ST3GAL4: variants seen among roughly 807,000 people sequenced by gnomAD.
ST3GAL4 encodes CMP-N-acetylneuraminate-beta-galactosamide-alpha-2,3-sialyltransferase 4.
ST3GAL4 carries 24 observed loss-of-function variants against 42.6 expected under a neutral mutation model. The observed-to-expected ratio is 0.56, with a 90% confidence interval of 0.41 to 0.79. The LOEUF (loss-of-function observed/expected upper bound fraction) is 0.79, where lower values mean the gene tolerates loss of function less well. Ranked by LOEUF, ST3GAL4 falls within the 30% of genes least tolerant of loss-of-function variation. The probability of loss-of-function intolerance (pLI) is 0.00; values close to 1 mark genes in which losing one functional copy is unlikely to be tolerated. For missense variants in ST3GAL4, 311 were observed against 430.8 expected (o/e 0.72, Z 2.46); for synonymous variants, 135 against 163.2 (o/e 0.83, Z 1.32).
At chr11:126,370,746 G>A (rs533821629) in intron 1 of ST3GAL4, among the ~76,000 whole-genome samples, 3 of 151,186 alleles carry the variant, frequency 2.0e-5, no homozygotes, top group Non-Finnish European at 2.9e-5. Context: ...GCACGATCTC[G>A]GCTCACTGCA....
rs1954434893 is a variant in ST3GAL4, at chr11:126,409,702, G to T, written c.771+291G>T. Among the ~76,000 whole-genome samples the T allele has an allele frequency of 6.6e-6, 1 of 152,150 alleles. No individual in the cohort carries two copies. The highest frequency in any genetic ancestry group is 1.5e-5 in the Non-Finnish European group (1 of 68,018). ...CGCTGGTCAGAATTTGTCAACTGGG[G>T]AGCTGCTGGAACAGTCAGTGGTCTG... On this transcript the variant is annotated intron_variant, in intron 9 of 10. Transcript: ENST00000444328. The surrounding 1 kb of genome is among the most constrained non-coding windows in gnomAD (Gnocchi z 4.9).
intron 1 of ST3GAL4, among the ~76,000 whole-genome samples, chr11:126,356,995 G>A (rs1264533556): frequency 2.0e-5 from 3 of 152,224 alleles, no homozygotes; most frequent in Non-Finnish European, 4.4e-5. Context: ...TTTGAAAGGC[G>A]CCTGCACGGA....
chr11:126,385,570 G>A (rs1043783865), intron 1 of ST3GAL4, among the ~76,000 whole-genome samples: 7 of 152,132 alleles, frequency 4.6e-5, no homozygotes, highest in African/African-American at 1.2e-4. Context: ...TTTTCGACCT[G>A]TCTGATTTTG....
chr11:126,370,656 A>T (rs960999917), intron 1 of ST3GAL4, among the ~76,000 whole-genome samples: 2 of 150,690 alleles, frequency 1.3e-5, no homozygotes, highest in Non-Finnish European at 2.9e-5. Context: ...TTCTGAATTT[A>T]TATTTCTTCA....
At chr11:126,395,993 G>A (rs552542542) in intron 1 of ST3GAL4, among the ~76,000 whole-genome samples, 6 of 151,184 alleles carry the variant, frequency 4.0e-5, no homozygotes, top group South Asian at 2.1e-4. Context: ...AGAGTCCATG[G>A]GGTTTTGGGG....
In ST3GAL4 at chr11:126,390,684, C is replaced by T. The variant is rs114387425; in HGVS notation, c.-60-15412C>T. Among the ~76,000 whole-genome samples, 709 of 147,178 alleles carry T rather than the reference C, an allele frequency of 4.8e-3. 6 individuals are homozygous for T. The highest frequency in any genetic ancestry group is 0.017 in the African/African-American group (676 of 39,322). ...GTTGTTATGGTAAAATGCACAAGCA[C>T]GAGGTTGTATTTACCATCTTAACTC... On this transcript the variant is annotated intron_variant, in intron 1 of 10. Transcript: ENST00000444328.
chr11:126,407,568 T>C lies in ST3GAL4; in HGVS notation c.281-6T>C. ...CATCAGTCCCTCCGCCTGGTACTTT[T>C]TGTAGAGGATCTGCTCCTCCGGGTG... is the stretch of plus-strand genomic sequence containing the variant. On this transcript the variant is annotated splice_region_variant and splice_polypyrimidine_tract_variant and intron_variant, in intron 5 of 10. Coordinates refer to ENST00000444328, the MANE Select transcript of ST3GAL4 (RefSeq NM_001254757.2). 1 of 1,614,108 alleles carries C rather than the reference T, an allele frequency of 6.2e-7. No individual in the cohort carries two copies. The highest frequency in any genetic ancestry group is 8.5e-7 in the Non-Finnish European group (1 of 1,180,004).
At chr11:126,389,549 T>TA (rs776533191) in intron 1 of ST3GAL4, among the ~76,000 whole-genome samples, 1 of 152,148 alleles carries the variant, frequency 6.6e-6, no homozygotes, top group Non-Finnish European at 1.5e-5. Context: ...GCAACACCTT[T>TA]AAACATAAGT....
At chr11:126,401,224 T>C (rs1953975848) in intron 1 of ST3GAL4, among the ~76,000 whole-genome samples, 2 of 151,412 alleles carry the variant, frequency 1.3e-5, no homozygotes, top group Admixed American at 1.3e-4. Flanking sequence ...CCCCTGAAAA[T>C]GTGTGGCAGG....
chr11:126,362,705 C>T (rs1591412657), intron 1 of ST3GAL4, among the ~76,000 whole-genome samples: 1 of 152,272 alleles, frequency 6.6e-6, no homozygotes, highest in South Asian at 2.1e-4. Context: ...GTCCACTTAC[C>T]AGTTATGTGA....
chr11:126,360,507 T>G (rs1019881711), intron 1 of ST3GAL4, among the ~76,000 whole-genome samples: 2 of 152,200 alleles, frequency 1.3e-5, no homozygotes, highest in Non-Finnish European at 2.9e-5. Flanking sequence ...AACTGCAACC[T>G]CCATCTTCTG....
At chr11:126,380,968 G>A (rs559259562) in intron 1 of ST3GAL4, among the ~76,000 whole-genome samples, 7 of 152,334 alleles carry the variant, frequency 4.6e-5, no homozygotes, top group South Asian at 4.1e-4. Flanking sequence ...CTGTACATGC[G>A]TGCCTGGAAG....
At position 126,366,401 on chromosome 11, in the gene ST3GAL4, C is replaced by G. The variant is rs1440956684; in HGVS notation, c.-61+10559C>G. 6.6e-6 allele frequency among the ~76,000 whole-genome samples: 1 copy of G among 151,952 alleles called. No individual in the cohort carries two copies. Among genetic ancestry groups the G allele is most frequent in the Admixed American group, 6.6e-5 (1 of 15,256 alleles). On this transcript the variant is annotated intron_variant, in intron 1 of 10. Transcript: ENST00000444328. The surrounding 1 kb of genome is among the most constrained non-coding windows in gnomAD (Gnocchi z 4.2). ...GGACTGAGAGCTGGGTGTGTGTGTGCGCATGCCTGTGTCTGTGTGATCTGG... is the reference window on the plus strand; with the variant it reads ...GGACTGAGAGCTGGGTGTGTGTGTGGGCATGCCTGTGTCTGTGTGATCTGG...
At position 126,397,412 on chromosome 11, in the gene ST3GAL4, A is replaced by C. The variant is rs1565416416; in HGVS notation, c.-60-8684A>C. 6.6e-6 allele frequency among the ~76,000 whole-genome samples: 1 copy of C among 152,092 alleles called. No homozygotes were observed. Among genetic ancestry groups the C allele is most frequent in the Non-Finnish European group, 1.5e-5 (1 of 68,036 alleles). On this transcript the variant is annotated intron_variant, in intron 1 of 10. Transcript: ENST00000444328. The surrounding 1 kb of genome is among the most constrained non-coding windows in gnomAD (Gnocchi z 5.0). The stretch of plus-strand genomic sequence containing the variant: ...TCTCAGAGGTCATGGGATAGTGGGC[A>C]AGACATGAAAACCTTGTATAATATA...
Position 126,384,361 on chromosome 11 carries a change from G to A in ST3GAL4, c.-60-21735G>A, listed in dbSNP as rs1017535964. On this transcript the variant is annotated intron_variant, in intron 1 of 10. Transcript: ENST00000444328. This position sits in a 1 kb window ranked among gnomAD's most constrained non-coding sequence, Gnocchi z 5.5. ...AATTCAGAGGCTGTACTGTGGGGCA[G>A]GGCTGGAATTTGTGGCACCTGTGTA... Among the ~76,000 whole-genome samples, 4 of 152,182 alleles carry A rather than the reference G, an allele frequency of 2.6e-5. No individual in the cohort carries two copies. The highest frequency in any genetic ancestry group is 9.7e-5 in the African/African-American group (4 of 41,436).
chr11:126,410,575 G>T lies in ST3GAL4; in HGVS notation c.771+1164G>T, dbSNP rs376536125. Among the ~76,000 whole-genome samples the T allele has an allele frequency of 6.6e-6, 1 of 152,276 alleles. No individual in the cohort carries two copies. The highest frequency in any genetic ancestry group is 2.1e-4 in the South Asian group (1 of 4,820). ...ATGTAAAATACCTATTCTGGAGACC[G>T]GTACACAGGGCCTGCCCTTTAAATA... On this transcript the variant is annotated intron_variant, in intron 9 of 10. Transcript: ENST00000444328. The surrounding 1 kb of genome is among the most constrained non-coding windows in gnomAD (Gnocchi z 5.3).
In ST3GAL4 at chr11:126,366,795, GA is replaced by G. The variant is rs1446176659; in HGVS notation, c.-61+10954del. Among the ~76,000 whole-genome samples, 3 of 152,188 alleles carry G rather than the reference GA, an allele frequency of 2.0e-5. No individual in the cohort carries two copies. The highest frequency in any genetic ancestry group is 4.4e-5 in the Non-Finnish European group (3 of 68,042). On this transcript the variant is annotated intron_variant, in intron 1 of 10. Coordinates refer to ENST00000444328, the MANE Select transcript of ST3GAL4 (RefSeq NM_001254757.2). This position sits in a 1 kb window ranked among gnomAD's most constrained non-coding sequence, Gnocchi z 4.2. Reference sequence around the variant, plus strand: ...GGGAGGCGGGAGTGCAAGGTCTGCCGAGTGAGGGTTCCTTCCGGGAGGAGGC... The same window carrying G: ...GGGAGGCGGGAGTGCAAGGTCTGCCGGTGAGGGTTCCTTCCGGGAGGAGGC...
Position 126,357,444 on chromosome 11 carries a change from G to C in ST3GAL4, c.-61+1602G>C, listed in dbSNP as rs149207285. ...GTGGGTGTCTTTAGCTTGGGGATGGGTTGTTGTTCAGAGACAACAGGGCCG... is the reference window on the plus strand; with the variant it reads ...GTGGGTGTCTTTAGCTTGGGGATGGCTTGTTGTTCAGAGACAACAGGGCCG... On this transcript the variant is annotated intron_variant, in intron 1 of 10. Transcript: ENST00000444328. Among the ~76,000 whole-genome samples, 543 of 152,260 alleles carry C rather than the reference G, an allele frequency of 3.6e-3. 4 individuals carry two copies. The highest frequency in any genetic ancestry group is 0.012 in the African/African-American group (496 of 41,552).
rs1181629837 is a variant in ST3GAL4 at position 126,355,690 on chromosome 11, G to T, written c.-213G>T. The T allele has an allele frequency of 2.0e-5, 3 of 151,720 alleles. No homozygotes were observed. The highest frequency in any genetic ancestry group is 2.9e-5 in the Non-Finnish European group (2 of 67,800). The allele number at this position is 151,720 out of a possible 1,614,324, so 9.4% of individuals were successfully genotyped here. A position where few individuals can be genotyped will look rare whatever the true frequency, so the allele number is the denominator to read the frequency against. ...GCCCGGGTCCCCGCCTCCCCTGCAG[G>T]CGGACTCGCCCGCTCCCAGGCCGGA... On this transcript the variant is annotated 5_prime_UTR_variant, in exon 1 of 11. Transcript: ENST00000444328. This position sits in a 1 kb window ranked among gnomAD's most constrained non-coding sequence, Gnocchi z 7.1.
Sources: allele counts gnomAD v4.1 joint callset (sites outside exome capture counted in the v4.1 genomes callset), GRCh38; gene constraint gnomAD v4.1.1; non-coding constraint Gnocchi (gnomAD v3.1); transcripts MANE v1.5; gene names NCBI Gene and HGNC (gene_info 2026-07-23, HGNC 2026-07-21).